The following MBP variants were observed in gnomAD, a reference collection of about 807,000 sequenced individuals.
The protein encoded by MBP is myelin basic protein.
In MBP, 16 loss-of-function variants were observed where a neutral mutation model predicts 35.8. The observed-to-expected ratio is 0.45, with a 90% confidence interval of 0.30 to 0.68. MBP has a LOEUF of 0.68. Among genes scored for constraint, MBP ranks in the 30% least tolerant of loss-of-function variants. The pLI, the probability that MBP is intolerant of heterozygous loss-of-function variation, is 0.08. For synonymous variants in MBP, 143 were observed against 159.6 expected, an observed-to-expected ratio of 0.90 and a Z score of 0.78; for missense variants, 380 against 404.7, an observed-to-expected ratio of 0.94 and a Z score of 0.52.
At chr18:77,047,612 A>G (rs1250495316) in intron 3 of MBP, among the ~76,000 whole-genome samples, 1 of 152,252 alleles carries the variant, frequency 6.6e-6, no homozygotes, top group East Asian at 1.9e-4. Flanking sequence ...GTGTACACTG[A>G]AAATGGCTGA....
chr18:77,113,861 A>G (rs574014290), intron 1 of MBP: 1 of 152,380 alleles, frequency 6.6e-6, no homozygotes, highest in East Asian at 1.9e-4. Flanking sequence ...AACGACCTGC[A>G]AGCCGGGAAT....
chr18:77,050,792 C>T (rs979471139), intron 3 of MBP, among the ~76,000 whole-genome samples: 5 of 152,140 alleles, frequency 3.3e-5, no homozygotes, highest in East Asian at 3.9e-4. Flanking sequence ...GTGATCTGCC[C>T]GCCTCGGACT....
chr18:77,037,778 G>A (rs1195049303), intron 3 of MBP, among the ~76,000 whole-genome samples: 1 of 152,178 alleles, frequency 6.6e-6, no homozygotes, highest in Non-Finnish European at 1.5e-5. Flanking sequence ...CATCGCTGCT[G>A]GGTGACAGCA....
At chr18:77,047,944 A>G (rs937410852) in intron 3 of MBP, among the ~76,000 whole-genome samples, 2 of 152,264 alleles carry the variant, frequency 1.3e-5, no homozygotes, top group African/African-American at 4.8e-5. Flanking sequence ...CAATGATATC[A>G]TAGTACCACT....
intron 3 of MBP, among the ~76,000 whole-genome samples, chr18:77,050,992 G>A (rs1973466216): frequency 6.6e-6 from 1 of 151,994 alleles, no homozygotes; most frequent in Non-Finnish European, 1.5e-5. Flanking sequence ...GGTGTTTTTG[G>A]TTATTAATGA....
intron 4 of MBP, among the ~76,000 whole-genome samples, chr18:77,009,470 G>A (rs1268594853): frequency 1.3e-5 from 2 of 152,212 alleles, no homozygotes; most frequent in African/African-American, 2.4e-5. Flanking sequence ...GGGTATGCAC[G>A]TGGCCATAGA....
chr18:77,063,316 A>T (rs1293405901), intron 3 of MBP, among the ~76,000 whole-genome samples: 1 of 152,178 alleles, frequency 6.6e-6, no homozygotes. Flanking sequence ...CCACAGTTCA[A>T]CAGGCCCTTC....
At chr18:77,087,888 C>T (rs1281781975) in intron 2 of MBP, among the ~76,000 whole-genome samples, 1 of 152,080 alleles carries the variant, frequency 6.6e-6, no homozygotes, top group Non-Finnish European at 1.5e-5. Flanking sequence ...GGGAGGCCAC[C>T]GCTGACACCC....
chr18:77,017,304 G>A (rs1339099105), intron 3 of MBP, 36 bp from the exon 4 acceptor site: 1 of 1,483,208 alleles, frequency 6.7e-7, no homozygotes. Flanking sequence ...ACGGGCCTGT[G>A]CAAAGCTGAG....
chr18:77,064,861 C>T (rs1347398958), intron 3 of MBP, among the ~76,000 whole-genome samples: 5 of 152,156 alleles, frequency 3.3e-5, no homozygotes, highest in Non-Finnish European at 2.9e-5. Context: ...CTTTTTCCTT[C>T]GACCTATAGT....
chr18:77,114,244 T>A (rs75001668), intron 1 of MBP: 1 of 152,170 alleles, frequency 6.6e-6, no homozygotes, highest in African/African-American at 2.4e-5. Context: ...TAAAAGAAAA[T>A]GACGAGATTG....
At chr18:76,986,097 G>T (rs1055148726) in intron 7 of MBP, 3 of 985,464 alleles carry the variant, frequency 3.0e-6, no homozygotes, top group Admixed American at 1.2e-4. Flanking sequence ...AATGGGGGGC[G>T]AAGTGTCCTC....
intron 3 of MBP, among the ~76,000 whole-genome samples, chr18:77,065,337 T>A (rs970211255): frequency 6.6e-6 from 1 of 152,046 alleles, no homozygotes; most frequent in Non-Finnish European, 1.5e-5. Flanking sequence ...CCTCTCTTCC[T>A]CTCCTTACAA....
At chr18:77,022,953 A>G (rs1384669346) in intron 3 of MBP, among the ~76,000 whole-genome samples, 1 of 152,270 alleles carries the variant, frequency 6.6e-6, no homozygotes, top group Non-Finnish European at 1.5e-5. Flanking sequence ...TTTATAGAGC[A>G]GAGCATTATT....
chr18:77,057,454 C>T (rs1973768672), intron 3 of MBP, among the ~76,000 whole-genome samples: 1 of 152,202 alleles, frequency 6.6e-6, no homozygotes, highest in Non-Finnish European at 1.5e-5. Context: ...GAATACAAGG[C>T]CTCAGGCAGC....
Position 77,017,259 on chromosome 18 carries a change from T to C in MBP, c.149A>G (p.Asp50Gly), listed in dbSNP as rs1398322293. The change falls in exon 4 of 9, where the codon GAT becomes GGT. Residue 50 changes from aspartate to glycine, a missense_variant. Transcript: ENST00000355994. The stretch of plus-strand genomic sequence containing the variant: ...GGAGGTCCCATTGTTCTGGTTCGCA[T>C]CTGCCTCTCCTGCAAACAACAATGA... ...SEDNEVFGEA[D>G]ANQNNGTSSQ... 6.6e-7 allele frequency: 1 copy of C among 1,509,532 alleles called. No individual in the cohort carries two copies. The highest frequency in any genetic ancestry group is 1.4e-5 in the African/African-American group (1 of 71,710). 93.5% of individuals were successfully genotyped at this position (1,509,532 alleles called of 1,614,324 possible).
At chr18:77,046,424 G>T (rs1017368177) in intron 3 of MBP, among the ~76,000 whole-genome samples, 2 of 152,238 alleles carry the variant, frequency 1.3e-5, no homozygotes, top group Non-Finnish European at 2.9e-5. Context: ...CACTGGCATG[G>T]TTCATCCACG....
At chr18:77,080,575 C>T (rs1974850616) in intron 2 of MBP, among the ~76,000 whole-genome samples, 1 of 152,258 alleles carries the variant, frequency 6.6e-6, no homozygotes, top group Non-Finnish European at 1.5e-5. Context: ...TCATTAACGG[C>T]CCTTGGTCTA....
chr18:77,068,498 C>T (rs1974300538), intron 2 of MBP, among the ~76,000 whole-genome samples: 1 of 152,200 alleles, frequency 6.6e-6, no homozygotes, highest in Non-Finnish European at 1.5e-5. Flanking sequence ...TTTCCTCAGT[C>T]TGTTTATAAA....
Sources: allele counts gnomAD v4.1 joint callset (sites outside exome capture counted in the v4.1 genomes callset), GRCh38; gene constraint gnomAD v4.1.1; transcripts MANE v1.5; gene names NCBI Gene and HGNC (gene_info 2026-07-23, HGNC 2026-07-21).